Variants in GRIP1 observed in about 807,000 individuals in gnomAD.
GRIP1 encodes glutamate receptor interacting protein 1.
GRIP1 carries 45 observed loss-of-function variants against 129.9 expected under a neutral mutation model. That is an observed-to-expected ratio of 0.35 (90% CI 0.27 to 0.44). The LOEUF is 0.44. GRIP1 is among the 20% of genes least tolerant of loss of function. The probability of loss-of-function intolerance (pLI) is 1.00; values close to 1 mark genes in which losing one functional copy is unlikely to be tolerated. For missense variants in GRIP1, 1,196 were observed against 1,396.8 expected (o/e 0.86, Z 2.29); for synonymous variants, 530 against 520.8 (o/e 1.02, Z -0.24).
chr12:66,947,866 G>GA (rs2041696589), intron 1 of GRIP1, among the ~76,000 whole-genome samples: 1 of 152,214 alleles, frequency 6.6e-6, no homozygotes, highest in Non-Finnish European at 1.5e-5. Context: ...AACATTTGCA[G>GA]CTGAAATGAA....
intron 1 of GRIP1, among the ~76,000 whole-genome samples, chr12:66,636,137 A>G (rs750084259): frequency 9.2e-5 from 14 of 152,216 alleles, no homozygotes; most frequent in Admixed American, 2.6e-4. Context: ...CATTATGCTA[A>G]GTGAAATAAG....
intron 1 of GRIP1, among the ~76,000 whole-genome samples, chr12:66,753,061 C>A (rs2037176628): frequency 6.6e-6 from 1 of 152,116 alleles, no homozygotes; most frequent in Non-Finnish European, 1.5e-5. Flanking sequence ...CTTTGACTCC[C>A]CAGCCCCTAC....
chr12:66,398,709 T>C (rs1053338738), intron 16 of GRIP1, among the ~76,000 whole-genome samples: 1 of 151,932 alleles, frequency 6.6e-6, no homozygotes, highest in Non-Finnish European at 1.5e-5. Context: ...ATGAGAGAAG[T>C]TAAATATTAA....
At chr12:66,550,055 T>C (rs924782700) in intron 2 of GRIP1, among the ~76,000 whole-genome samples, 10 of 152,108 alleles carry the variant, frequency 6.6e-5, no homozygotes, top group Admixed American at 6.5e-4. Flanking sequence ...TCTAAAGCAT[T>C]AAGTTAAAAA....
At chr12:66,901,442 G>C (rs2040842504) in intron 1 of GRIP1, among the ~76,000 whole-genome samples, 1 of 152,234 alleles carries the variant, frequency 6.6e-6, no homozygotes, top group Admixed American at 6.5e-5. Flanking sequence ...ATTTCACTCA[G>C]TTCTGCTTAT....
intron 1 of GRIP1, among the ~76,000 whole-genome samples, chr12:67,013,342 T>G (rs2042737210): frequency 6.6e-6 from 1 of 152,198 alleles, no homozygotes; most frequent in South Asian, 2.1e-4. Flanking sequence ...TTCTGTTTTT[T>G]AAACAATGAA....
chr12:66,782,129 T>C lies in GRIP1; in HGVS notation c.-420+21924A>G, dbSNP rs139900266. ...ACTTCTTGATCTGGATGCTGGTACA[T>C]GGTTATGTTCACTTCTTAAAAATTC... is the stretch of plus-strand genomic sequence containing the variant. On this transcript the variant is annotated intron_variant, in intron 1 of 4. Transcript: ENST00000538373. 3.3e-4 allele frequency among the ~76,000 whole-genome samples: 50 copies of C among 152,280 alleles called. No homozygotes were observed. The East Asian group carries it at 8.3e-3, about 25-fold the overall frequency.
chr12:66,586,515 G>T (rs1401639773), intron 2 of GRIP1, among the ~76,000 whole-genome samples: 1 of 151,856 alleles, frequency 6.6e-6, no homozygotes, highest in Non-Finnish European at 1.5e-5. Context: ...CACCCTCAAG[G>T]GTGTAACTAC....
intron 5 of GRIP1, among the ~76,000 whole-genome samples, chr12:66,522,449 C>T (rs1213606570): frequency 6.6e-6 from 1 of 152,210 alleles, no homozygotes; most frequent in Non-Finnish European, 1.5e-5. Context: ...CTCTAGCAAA[C>T]TCCAACAGAC....
chr12:67,000,147 T>C (rs766991324), intron 1 of GRIP1, among the ~76,000 whole-genome samples: 2 of 152,192 alleles, frequency 1.3e-5, no homozygotes, highest in Non-Finnish European at 2.9e-5. Context: ...CAACTCTAAC[T>C]CTGTCTTGTA....
In GRIP1 at chr12:67,042,366, C is replaced by A. The variant is rs114774437; in HGVS notation, c.58+26684G>T. Among the ~76,000 whole-genome samples the A allele has an allele frequency of 4.4e-3, 672 of 152,218 alleles. 5 individuals are homozygous for A. The highest frequency in any genetic ancestry group is 0.016 in the African/African-American group (649 of 41,540). ...ATGAAGCCATCATAAAATGAGACCC[C>A]TTTTTCTATATAAGGTAATAAAATA... is the stretch of plus-strand genomic sequence containing the variant. On this transcript the variant is annotated intron_variant, in intron 1 of 1. Transcript: ENST00000643019.
chr12:66,899,869 G>C (rs2040817149), intron 1 of GRIP1, among the ~76,000 whole-genome samples: 1 of 152,186 alleles, frequency 6.6e-6, no homozygotes, highest in African/African-American at 2.4e-5. Flanking sequence ...AGAAATAGCT[G>C]TGAATACATT....
At chr12:66,516,005 C>CT (rs1259671984) in intron 6 of GRIP1, among the ~76,000 whole-genome samples, 2 of 152,000 alleles carry the variant, frequency 1.3e-5, no homozygotes, top group African/African-American at 4.8e-5. Context: ...CCTAATTACC[C>CT]ACAGGTAATT....
intron 8 of GRIP1, among the ~76,000 whole-genome samples, chr12:66,464,706 A>C (rs2059231397): frequency 6.6e-6 from 1 of 151,994 alleles, no homozygotes; most frequent in African/African-American, 2.4e-5. Flanking sequence ...CACACCAAAC[A>C]TCTGGATGAC....
intron 1 of GRIP1, among the ~76,000 whole-genome samples, chr12:66,738,376 C>T (rs528807765): frequency 2.5e-4 from 38 of 151,976 alleles, no homozygotes; most frequent in Admixed American, 1.6e-3. Flanking sequence ...CCCGCCACCA[C>T]GCCCGACTAA....
chr12:66,716,830 A>AT (rs1046379295), intron 1 of GRIP1, among the ~76,000 whole-genome samples: 4 of 151,958 alleles, frequency 2.6e-5, no homozygotes, highest in Non-Finnish European at 2.9e-5. Flanking sequence ...AAACACTTTA[A>AT]TTTTTTGACA....
Position 66,528,134 on chromosome 12 carries a change from G to GTT in GRIP1, c.502+1695_502+1696dup, listed in dbSNP as rs59443918. Among the ~76,000 whole-genome samples, 1,347 of 99,178 alleles carry GTT rather than the reference G, an allele frequency of 0.014. 67 individuals carry two copies. In the East Asian group the frequency reaches 0.16, roughly 12 times the overall value. 65.1% of individuals were successfully genotyped at this position (99,178 alleles called of 152,430 possible). Reference sequence around the variant, plus strand: ...TAGAATTATACTTTAGAATTAGTAGGTTTTTTTTTTTTTTTTTTGAGATGG... The same window carrying GTT: ...TAGAATTATACTTTAGAATTAGTAGGTTTTTTTTTTTTTTTTTTTTGAGATGG... On this transcript the variant is annotated intron_variant, in intron 5 of 24. Coordinates refer to ENST00000359742, the MANE Select transcript of GRIP1 (RefSeq NM_001366722.1).
intron 13 of GRIP1, among the ~76,000 whole-genome samples, chr12:66,439,033 C>T (rs543160571): frequency 2.0e-5 from 3 of 152,288 alleles, no homozygotes; most frequent in African/African-American, 7.2e-5. Context: ...GGGAAGGCTT[C>T]TCTGAGCATG....
chr12:66,818,997 A>C (rs1461562462), intron 1 of GRIP1, among the ~76,000 whole-genome samples: 1 of 152,228 alleles, frequency 6.6e-6, no homozygotes, highest in East Asian at 1.9e-4. Context: ...AGAAGTACAA[A>C]TACTAACAAT....
Sources: gnomAD v4.1 joint callset for allele counts (sites outside exome capture counted in the v4.1 genomes callset) on GRCh38, gnomAD v4.1.1 for gene constraint, MANE v1.5 for transcripts, NCBI Gene and HGNC (gene_info 2026-07-23, HGNC 2026-07-21) for gene names.